The following POTEC variants were observed in gnomAD, a reference collection of about 807,000 sequenced individuals.
The protein encoded by POTEC is ANKRD26-like family B member 2.
Under a neutral mutation model 62.0 loss-of-function variants are expected in POTEC, and 35 were observed. That is an observed-to-expected ratio of 0.56 (90% CI 0.43 to 0.75). The LOEUF (loss-of-function observed/expected upper bound fraction) is 0.75, where lower values mean the gene tolerates loss of function less well. Among genes scored for constraint, POTEC ranks in the 30% least tolerant of loss-of-function variants. The pLI, the probability that POTEC is intolerant of heterozygous loss-of-function variation, is 0.00. For missense variants in POTEC, 472 were observed against 655.9 expected (o/e 0.72, Z 3.06); for synonymous variants, 156 against 221.5 (o/e 0.70, Z 2.62).
chr18:14,540,136 G>A (rs1255965074), intron 1 of POTEC, among the ~76,000 whole-genome samples: 2 of 151,858 alleles, frequency 1.3e-5, no homozygotes, highest in Non-Finnish European at 1.5e-5. Context: ...TATAATGAAA[G>A]ATAATTATAT....
chr18:14,537,505 G>A (rs1277855203), intron 3 of POTEC, among the ~76,000 whole-genome samples: 1 of 149,838 alleles, frequency 6.7e-6, no homozygotes, highest in Non-Finnish European at 1.5e-5. Context: ...TTTTACATTC[G>A]TTAGGGAAAA....
At chr18:14,528,289 CCTATCAATAGCCATTCCTTATTCT>C (rs1910491339) in intron 6 of POTEC, among the ~76,000 whole-genome samples, 1 of 152,252 alleles carries the variant, frequency 6.6e-6, no homozygotes, top group African/African-American at 2.4e-5. Flanking sequence ...TTGTTGGCTC[CCTATCAATAGCCATTCCTTATTCT>C]TTCTTGCAGA....
At chr18:14,530,038 T>C (rs1567913364) in intron 6 of POTEC, among the ~76,000 whole-genome samples, 1 of 151,924 alleles carries the variant, frequency 6.6e-6, no homozygotes, top group Non-Finnish European at 1.5e-5. Flanking sequence ...CACCTGTACT[T>C]ACGGCCACAC....
At chr18:14,522,487 A>T in intron 8 of POTEC, 67 bp from the exon 9 acceptor site, 2 of 1,510,208 alleles carry the variant, frequency 1.3e-6, no homozygotes, top group Non-Finnish European at 1.8e-6. Context: ...TTTTTAATTG[A>T]TTTTATCAAT....
chr18:14,521,370 T>A (rs1268238485), intron 9 of POTEC, among the ~76,000 whole-genome samples: 1 of 152,208 alleles, frequency 6.6e-6, no homozygotes, highest in Non-Finnish European at 1.5e-5. Context: ...ATAATCAGTA[T>A]ACTCTAGATC....
At chr18:14,530,689 T>A (rs1438216165) in intron 5 of POTEC, 136 bp from the exon 6 acceptor site, 1 of 916,044 alleles carries the variant, frequency 1.1e-6, no homozygotes, top group African/African-American at 1.7e-5. Flanking sequence ...CATACACTTA[T>A]GAGTACATTC....
chr18:14,515,891 A>T (rs2143112591), intron 9 of POTEC, among the ~76,000 whole-genome samples: 1 of 152,124 alleles, frequency 6.6e-6, no homozygotes, highest in South Asian at 2.1e-4. Flanking sequence ...GCTCAAAAGA[A>T]GATGTACAAA....
At chr18:14,515,428 A>T (rs2143111378) in intron 9 of POTEC, among the ~76,000 whole-genome samples, 1 of 152,264 alleles carries the variant, frequency 6.6e-6, no homozygotes, top group Non-Finnish European at 1.5e-5. Flanking sequence ...GAAAGGATAC[A>T]AAAACATACA....
intron 1 of POTEC, among the ~76,000 whole-genome samples, chr18:14,542,268 A>G (rs1404042921): frequency 6.6e-6 from 1 of 152,192 alleles, no homozygotes; most frequent in East Asian, 1.9e-4. Context: ...CCAGAAGTTG[A>G]TATATTATGG....
In POTEC at chr18:14,522,271, C is replaced by A. The variant is rs1443418121; in HGVS notation, c.1392G>T (p.Glu464Asp). Residue 464 changes from glutamate (E) to aspartate (D), a missense_variant, in exon 9 of 11, where the codon GAG becomes GAT. This residue lies in a region of POTEC where 83 missense variants were observed against 254.3 expected (regional missense o/e 0.33). Transcript: ENST00000358970. The stretch of plus-strand genomic sequence containing the variant: ...AGGCTTACCTGTGATACTCTTCATT[C>A]TCAGTGTCAGGAAATTGCTGATTTT... ...KPENQQFPDT[E>D]NEEYHSDEQN... The A allele has an allele frequency of 6.4e-7, 1 of 1,574,326 alleles. No individual in the cohort carries two copies. Among genetic ancestry groups the A allele is most frequent in the Non-Finnish European group, 8.6e-7 (1 of 1,168,816 alleles).
chr18:14,520,584 A>G (rs1337103262), intron 9 of POTEC, among the ~76,000 whole-genome samples: 1 of 152,000 alleles, frequency 6.6e-6, no homozygotes, highest in African/African-American at 2.4e-5. Flanking sequence ...ATTATATGAC[A>G]TCACTGTGGA....
At chr18:14,513,571 G>A (rs375776816) in intron 10 of POTEC, 91 bp downstream of exon 10, 2 of 1,500,646 alleles carry the variant, frequency 1.3e-6, no homozygotes, top group Non-Finnish European at 1.8e-6. Flanking sequence ...GTGTATATAT[G>A]TGATTTAAAA....
At chr18:14,524,883 T>C (rs1910396777) in intron 7 of POTEC, 30 bp downstream of exon 7, 5 of 1,600,722 alleles carry the variant, frequency 3.1e-6, no homozygotes, top group Non-Finnish European at 4.3e-6. Flanking sequence ...CAACATTAAA[T>C]CAAAAATTTA....
rs1567915538 is a variant in POTEC at position 14,537,215 on chromosome 18, A to AC, written c.810+585_810+586insG. Reference sequence around the variant, plus strand: ...CACACACACACACACACACACAAAAAAAAAAAAAAACAAAAAAAAACCTCT... The same window carrying AC: ...CACACACACACACACACACACAAAAACAAAAAAAAAACAAAAAAAAACCTCT... On this transcript the variant is annotated intron_variant, in intron 3 of 10. Coordinates refer to ENST00000358970, the MANE Select transcript of POTEC (RefSeq NM_001137671.2). 1.6e-3 allele frequency among the ~76,000 whole-genome samples: 182 copies of AC among 116,710 alleles called. 5 individuals carry two copies. Among genetic ancestry groups the AC allele is most frequent in the African/African-American group, 4.8e-3 (150 of 31,308 alleles). 76.6% of individuals were successfully genotyped at this position (116,710 alleles called of 152,430 possible). A position where few individuals can be genotyped will look rare whatever the true frequency, so the allele number is the denominator to read the frequency against.
intron 9 of POTEC, 99 bp downstream of exon 9, chr18:14,522,155 A>T: frequency 6.5e-7 from 1 of 1,542,348 alleles, no homozygotes; most frequent in South Asian, 1.3e-5. Flanking sequence ...TGAATATTCT[A>T]GTAAAAGTAT....
chr18:14,518,770 C>T (rs1010309339), intron 9 of POTEC, among the ~76,000 whole-genome samples: 5 of 147,408 alleles, frequency 3.4e-5, no homozygotes, highest in African/African-American at 1.3e-4. Flanking sequence ...ACACAGGGAA[C>T]TGCGAATCAC....
At chr18:14,539,745 T>C (rs958860610) in intron 1 of POTEC, among the ~76,000 whole-genome samples, 3 of 152,178 alleles carry the variant, frequency 2.0e-5, no homozygotes, top group East Asian at 1.9e-4. Context: ...TTCACTATTT[T>C]CCACCTTCAG....
chr18:14,540,247 T>TA (rs1905886846), intron 1 of POTEC, among the ~76,000 whole-genome samples: 1 of 152,142 alleles, frequency 6.6e-6, no homozygotes, highest in East Asian at 1.9e-4. Context: ...TCCACAGGTA[T>TA]AAAAATAAAT....
At chr18:14,518,278 G>C (rs1022981513) in intron 9 of POTEC, among the ~76,000 whole-genome samples, 3 of 151,110 alleles carry the variant, frequency 2.0e-5, no homozygotes, top group Non-Finnish European at 4.4e-5. Context: ...GACAGATAAG[G>C]CAAAATATAC....
Sources: allele counts gnomAD v4.1 joint callset (sites outside exome capture counted in the v4.1 genomes callset), GRCh38; gene constraint gnomAD v4.1.1; regional missense constraint gnomAD v4.1.1; transcripts MANE v1.5; gene names NCBI Gene and HGNC (gene_info 2026-07-23, HGNC 2026-07-21).